LRP11: variants seen among roughly 807,000 people sequenced by gnomAD.
The protein encoded by LRP11 is low-density lipoprotein receptor-related protein 11.
LRP11 carries 25 observed loss-of-function variants against 43.1 expected under a neutral mutation model. That is an observed-to-expected ratio of 0.58 (90% CI 0.42 to 0.81). LRP11 has a LOEUF of 0.81. LRP11 is among the 30% of genes least tolerant of loss of function. The probability of loss-of-function intolerance (pLI) is 0.00; values close to 1 mark genes in which losing one functional copy is unlikely to be tolerated. For missense variants in LRP11, 623 were observed against 665.1 expected (o/e 0.94, Z 0.70); for synonymous variants, 316 against 299.4 (o/e 1.06, Z -0.57).
intron 1 of LRP11, among the ~76,000 whole-genome samples, chr6:149,861,548 C>T (rs944325910): frequency 3.3e-5 from 5 of 152,226 alleles, no homozygotes; most frequent in African/African-American, 1.2e-4. Context: ...GTGTCTCCCT[C>T]TGTTGCCCAG....
intron 3 of LRP11, among the ~76,000 whole-genome samples, chr6:149,839,953 C>T (rs1776522888): frequency 6.6e-6 from 1 of 152,314 alleles, no homozygotes; most frequent in African/African-American, 2.4e-5. Flanking sequence ...TTCTTTCTCA[C>T]CCTAAAAATG....
chr6:149,864,076 G>C lies in LRP11; in HGVS notation c.-56C>G, dbSNP rs1009639717. On this transcript the variant is annotated 5_prime_UTR_variant, in exon 1 of 7. Transcript: ENST00000239367. The stretch of plus-strand genomic sequence containing the variant: ...GCGGGGCTGAGCGCGGGAGGAAGGC[G>C]GGGACGCGGGCGAGCGCGGGCCCTG... 3.2e-6 allele frequency: 4 copies of C among 1,248,762 alleles called. No homozygotes were observed. The African/African-American group carries it at 4.8e-5, about 15-fold the overall frequency. The allele number at this position is 1,248,762 out of a possible 1,614,324, so 77.4% of individuals were successfully genotyped here. A position where few individuals can be genotyped will look rare whatever the true frequency, so the allele number is the denominator to read the frequency against.
At position 149,836,098 on chromosome 6, in the gene LRP11, A is replaced by T. The variant is rs1776467612; in HGVS notation, c.1239T>A (p.Ile413=). ...SAFWGPESQI[I]PVMPDSSSSG... ...GTGAATCCTTACCTGGCATCACAGGAATGATTTGACTCTCTGGTCCCCAAA... is the reference window on the plus strand; with the variant it reads ...GTGAATCCTTACCTGGCATCACAGGTATGATTTGACTCTCTGGTCCCCAAA... The change falls in exon 5 of 7, where the codon ATT becomes ATA. Residue 413 remains isoleucine (I), a synonymous_variant. Transcript: ENST00000239367. 1 of 1,613,970 alleles carries T rather than the reference A, an allele frequency of 6.2e-7. No individual in the cohort carries two copies. The highest frequency in any genetic ancestry group is 8.5e-7 in the Non-Finnish European group (1 of 1,179,930).
chr6:149,852,831 CA>C (rs1203655814), intron 2 of LRP11, among the ~76,000 whole-genome samples, 171 bp downstream of exon 2: 1 of 151,788 alleles, frequency 6.6e-6, no homozygotes, highest in Non-Finnish European at 1.5e-5. Flanking sequence ...TCACTCTCAG[CA>C]GAAAAGCACA....
In LRP11 at chr6:149,864,094, G is replaced by C. The variant is rs1020641408; in HGVS notation, c.-74C>G. The C allele has an allele frequency of 6.6e-6, 8 of 1,216,080 alleles. No individual in the cohort carries two copies. The African/African-American group carries it at 7.9e-5, about 12-fold the overall frequency. The allele number at this position is 1,216,080 out of a possible 1,614,324, so 75.3% of individuals were successfully genotyped here. A position where few individuals can be genotyped will look rare whatever the true frequency, so the allele number is the denominator to read the frequency against. On this transcript the variant is annotated 5_prime_UTR_variant, in exon 1 of 7. Transcript: ENST00000239367. Reference sequence around the variant, plus strand: ...GGAAGGCGGGGACGCGGGCGAGCGCGGGCCCTGGGCCCCTCCTGCGCGGCC... The same window carrying C: ...GGAAGGCGGGGACGCGGGCGAGCGCCGGCCCTGGGCCCCTCCTGCGCGGCC...
intron 2 of LRP11, among the ~76,000 whole-genome samples, chr6:149,847,135 G>C (rs1191167776): frequency 1.3e-5 from 2 of 152,170 alleles, no homozygotes; most frequent in Non-Finnish European, 2.9e-5. Context: ...GGGTGTCAAA[G>C]CTCAGAGTGC....
chr6:149,843,234 T>C, intron 2 of LRP11, 110 bp from the exon 3 acceptor site: 1 of 1,234,946 alleles, frequency 8.1e-7, no homozygotes, highest in Non-Finnish European at 1.2e-6. Context: ...GACCTGCCTC[T>C]GCACTCCGGC....
At chr6:149,848,858 C>A (rs1272998163) in intron 2 of LRP11, among the ~76,000 whole-genome samples, 1 of 152,040 alleles carries the variant, frequency 6.6e-6, no homozygotes, top group Non-Finnish European at 1.5e-5. Flanking sequence ...TATAACAAAC[C>A]TGCACATGTA....
intron 3 of LRP11, among the ~76,000 whole-genome samples, chr6:149,840,984 G>A (rs1017219979): frequency 5.9e-5 from 9 of 152,194 alleles, no homozygotes; most frequent in African/African-American, 1.9e-4. Context: ...GCTATCACTG[G>A]TGACCTCACA....
rs1776358444 is a variant in LRP11, at chr6:149,827,748, TTC to T, written c.1253-1391_1253-1390del. Among the ~76,000 whole-genome samples, 1 of 152,244 alleles carries T rather than the reference TTC, an allele frequency of 6.6e-6. No individual in the cohort carries two copies. The highest frequency in any genetic ancestry group is 1.5e-5 in the Non-Finnish European group (1 of 68,042). On this transcript the variant is annotated intron_variant, in intron 5 of 6. Coordinates refer to ENST00000239367, the MANE Select transcript of LRP11 (RefSeq NM_032832.6). The surrounding 1 kb of genome is among the most constrained non-coding windows in gnomAD (Gnocchi z 4.2). The stretch of plus-strand genomic sequence containing the variant: ...CCAAGGACCTCTCCAGCTACCTGGA[TTC>T]TCTTATATGATACCTGATCCCAGGC...
chr6:149,823,691 G>C (rs1336313812), intron 6 of LRP11, among the ~76,000 whole-genome samples: 1 of 152,188 alleles, frequency 6.6e-6, no homozygotes, highest in East Asian at 1.9e-4. Flanking sequence ...TAAAACTCCT[G>C]AACAAGATTC....
Position 149,864,100 on chromosome 6 carries a change from T to C in LRP11, c.-80A>G, listed in dbSNP as rs1206385505. On this transcript the variant is annotated 5_prime_UTR_variant, in exon 1 of 7. Coordinates refer to ENST00000239367, the MANE Select transcript of LRP11 (RefSeq NM_032832.6). ...CGGGGACGCGGGCGAGCGCGGGCCC[T>C]GGGCCCCTCCTGCGCGGCCGCGGCT... is the stretch of plus-strand genomic sequence containing the variant. The C allele has an allele frequency of 3.3e-6, 4 of 1,213,296 alleles. No individual in the cohort carries two copies. The highest frequency in any genetic ancestry group is 4.1e-6 in the Non-Finnish European group (4 of 977,446). The allele number at this position is 1,213,296 out of a possible 1,614,324, so 75.2% of individuals were successfully genotyped here.
chr6:149,827,818 G>A lies in LRP11; in HGVS notation c.1253-1459C>T, dbSNP rs940938139. ...TTGTATTACATAAGGGCCGCACGCAGTGGCTCATGCCTGGCCAACATGGCA... is the reference window on the plus strand; with the variant it reads ...TTGTATTACATAAGGGCCGCACGCAATGGCTCATGCCTGGCCAACATGGCA... On this transcript the variant is annotated intron_variant, in intron 5 of 6. Transcript: ENST00000239367. This position sits in a 1 kb window ranked among gnomAD's most constrained non-coding sequence, Gnocchi z 4.2. Among the ~76,000 whole-genome samples the A allele has an allele frequency of 2.6e-5, 4 of 152,132 alleles. No homozygotes were observed. Among genetic ancestry groups the A allele is most frequent in the African/African-American group, 9.7e-5 (4 of 41,432 alleles).
At chr6:149,838,910 G>A (rs1172638889) in intron 3 of LRP11, among the ~76,000 whole-genome samples, 1 of 152,100 alleles carries the variant, frequency 6.6e-6, no homozygotes, top group Admixed American at 6.6e-5. Context: ...GGTCACAGGA[G>A]CTCCACGGTT....
In LRP11 at chr6:149,820,065, A is replaced by G. The variant is rs1021673119; in HGVS notation, c.*484T>C. 6.5e-6 allele frequency: 1 copy of G among 154,134 alleles called. No homozygotes were observed. The highest frequency in any genetic ancestry group is 2.4e-5 in the African/African-American group (1 of 41,460). The allele number at this position is 154,134 out of a possible 1,614,324, so 9.5% of individuals were successfully genotyped here. Reference sequence around the variant, plus strand: ...TAAGTAACATCTGATTGAAGGCATGAACTTGCTTGAGATCCACTCTCAGAA... The same window carrying G: ...TAAGTAACATCTGATTGAAGGCATGGACTTGCTTGAGATCCACTCTCAGAA... On this transcript the variant is annotated 3_prime_UTR_variant, in exon 7 of 7. Transcript: ENST00000239367.
intron 2 of LRP11, among the ~76,000 whole-genome samples, chr6:149,849,512 T>C (rs1199239421): frequency 6.6e-6 from 1 of 152,146 alleles, no homozygotes; most frequent in Non-Finnish European, 1.5e-5. Context: ...ATTTCAACAC[T>C]TTGGGAGGCC....
chr6:149,829,586 TA>T (rs1776383317), intron 5 of LRP11, among the ~76,000 whole-genome samples: 1 of 150,390 alleles, frequency 6.6e-6, no homozygotes, highest in African/African-American at 2.4e-5. Flanking sequence ...TAAAATAAAA[TA>T]AAAATAAAAA....
At chr6:149,859,396 A>ATATATTTTTTTTTTTTTTTT in intron 1 of LRP11, among the ~76,000 whole-genome samples, 2 of 71,496 alleles carry the variant, frequency 2.8e-5, no homozygotes, top group African/African-American at 1.6e-4. Context: ...ATATATATAT[A>ATATATTTTTTTTTTTTTTTT]TTTTTTTTTT....
intron 1 of LRP11, among the ~76,000 whole-genome samples, chr6:149,856,740 G>A (rs1400529875): frequency 6.6e-6 from 1 of 152,156 alleles, no homozygotes; most frequent in Non-Finnish European, 1.5e-5. Context: ...TCAGAGAAGT[G>A]TAATATAATA....
Sources: gnomAD v4.1 joint callset for allele counts (sites outside exome capture counted in the v4.1 genomes callset) on GRCh38, gnomAD v4.1.1 for gene constraint, Gnocchi (gnomAD v3.1) non-coding constraint, MANE v1.5 for transcripts, NCBI Gene and HGNC (gene_info 2026-07-23, HGNC 2026-07-21) for gene names.